Variants in RRM2 observed in about 807,000 individuals in gnomAD.
The protein encoded by RRM2 is ribonucleotide reductase regulatory subunit M2.
A neutral mutation model predicts 45.9 loss-of-function variants in RRM2; 6 were observed. That is an observed-to-expected ratio of 0.13 (90% CI 0.07 to 0.26). RRM2 has a LOEUF of 0.26. RRM2 is among the 10% of genes least tolerant of loss of function. RRM2 has a pLI of 1.00. For missense variants in RRM2, 343 were observed against 489.5 expected (o/e 0.70, Z 2.82); for synonymous variants, 177 against 173.0 (o/e 1.02, Z -0.18).
chr2:10,154,691 C>CTTTTTTTTTTTTTTTTTTTTTTTTT (rs70948874), intron 3 of RRM2, among the ~76,000 whole-genome samples: 1 of 95,752 alleles, frequency 1.0e-5, no homozygotes. Context: ...AGTCCTGATT[C>CTTTTTTTTTTTTTTTTTTTTTTTTT]TTTTTTTTTT....
chr2:10,178,754 A>G (rs1049906883), intron 3 of RRM2, among the ~76,000 whole-genome samples: 1 of 152,166 alleles, frequency 6.6e-6, no homozygotes, highest in Non-Finnish European at 1.5e-5. Flanking sequence ...CATATGTTGG[A>G]ATCTCACACC....
rs184921541 is a variant in RRM2 at position 10,169,208 on chromosome 2, C to T, written n.482+26833C>T. The stretch of plus-strand genomic sequence containing the variant: ...TGTTGCCCAGGCTAGTTTTGAACTC[C>T]CGGGCTCAATCCTCCTGCCTCAGCC... On this transcript the variant is annotated intron_variant and non_coding_transcript_variant, in intron 3 of 3. Transcript: ENST00000381786. The surrounding 1 kb of genome is among the most constrained non-coding windows in gnomAD (Gnocchi z 5.1). Among the ~76,000 whole-genome samples the T allele has an allele frequency of 2.5e-4, 38 of 150,982 alleles. No homozygotes were observed. Among genetic ancestry groups the T allele is most frequent in the Admixed American group, 1.3e-3 (19 of 15,120 alleles).
downstream of RRM2, among the ~76,000 whole-genome samples, chr2:10,132,292 G>A (rs967450943): frequency 5.3e-5 from 8 of 152,230 alleles, no homozygotes; most frequent in African/African-American, 1.9e-4. Context: ...TCCCTCTGGA[G>A]CTTGGGTTTA....
intron 3 of RRM2, among the ~76,000 whole-genome samples, chr2:10,175,794 C>T (rs1012649422): frequency 6.6e-5 from 10 of 151,712 alleles, no homozygotes; most frequent in Non-Finnish European, 1.0e-4. Context: ...TTAATAGAGA[C>T]AGGGTTTCAC....
intron 5 of RRM2, among the ~76,000 whole-genome samples, chr2:10,126,340 C>A (rs969333480): frequency 2.0e-5 from 3 of 152,046 alleles, no homozygotes; most frequent in African/African-American, 7.2e-5. Flanking sequence ...CTGTAGTACC[C>A]ATGGATTTGC....
chr2:10,190,700 G>T (rs944581303), intron 3 of RRM2, among the ~76,000 whole-genome samples: 2 of 116,678 alleles, frequency 1.7e-5, no homozygotes, highest in African/African-American at 6.7e-5. Flanking sequence ...TGATGGCAGA[G>T]ATGGTTACAA....
intron 3 of RRM2, among the ~76,000 whole-genome samples, chr2:10,165,938 G>A (rs1448130711): frequency 6.6e-6 from 1 of 152,214 alleles, no homozygotes; most frequent in Non-Finnish European, 1.5e-5. Context: ...AGGAAGCCTG[G>A]ACTGGGTGCC....
At position 10,171,045 on chromosome 2, in the gene RRM2, G is replaced by T. The variant is rs1488989173; in HGVS notation, n.482+28670G>T. 1.3e-5 allele frequency among the ~76,000 whole-genome samples: 2 copies of T among 152,322 alleles called. No individual in the cohort carries two copies. Among genetic ancestry groups the T allele is most frequent in the South Asian group, 2.1e-4 (1 of 4,824 alleles). On this transcript the variant is annotated intron_variant and non_coding_transcript_variant, in intron 3 of 3. Transcript: ENST00000381786. This position sits in a 1 kb window ranked among gnomAD's most constrained non-coding sequence, Gnocchi z 4.1. Reference sequence around the variant, plus strand: ...TCAGGGGAAACGTGGGCATCTAGATGACCCTCCACACTGAGCAGACCCAGC... The same window carrying T: ...TCAGGGGAAACGTGGGCATCTAGATTACCCTCCACACTGAGCAGACCCAGC...
Position 10,127,739 on chromosome 2 carries a change from C to T in RRM2, c.798+519C>T, listed in dbSNP as rs1426578003. 6.6e-6 allele frequency among the ~76,000 whole-genome samples: 1 copy of T among 152,030 alleles called. No individual in the cohort carries two copies. The highest frequency in any genetic ancestry group is 2.4e-5 in the African/African-American group (1 of 41,406). ...TCAGGTGATCCACCCGCCTCGGCCT[C>T]CCAGAGTGCTGGGATTATAGGCATG... On this transcript the variant is annotated intron_variant, in intron 7 of 9. Coordinates refer to ENST00000304567, the MANE Select transcript of RRM2 (RefSeq NM_001034.4). This position sits in a 1 kb window ranked among gnomAD's most constrained non-coding sequence, Gnocchi z 4.1.
intron 3 of RRM2, among the ~76,000 whole-genome samples, chr2:10,177,019 G>A (rs1255727249): frequency 6.6e-6 from 1 of 152,188 alleles, no homozygotes; most frequent in African/African-American, 2.4e-5. Flanking sequence ...GCCGAGGCGG[G>A]TGGATCACCT....
chr2:10,146,687 T>A (rs1183316211), intron 3 of RRM2, among the ~76,000 whole-genome samples: 1 of 152,104 alleles, frequency 6.6e-6, no homozygotes, highest in East Asian at 1.9e-4. Context: ...TGGGGATGGA[T>A]CAGGCCTTGA....
rs371939133 is a variant in RRM2, at chr2:10,175,691, C to T, written n.482+33316C>T. Among the ~76,000 whole-genome samples the T allele has an allele frequency of 1.3e-3, 203 of 152,158 alleles. 2 individuals are homozygous for T. The highest frequency in any genetic ancestry group is 3.3e-3 in the African/African-American group (138 of 41,508). On this transcript the variant is annotated intron_variant and non_coding_transcript_variant, in intron 3 of 3. Coordinates refer to the RRM2 transcript ENST00000381786. ...CGGCTTACGGCAACCTCCGCCTCCC[C>T]GGTTCAAGTGATTCTCCCCATCAGC... is the stretch of plus-strand genomic sequence containing the variant.
upstream of RRM2, among the ~76,000 whole-genome samples, chr2:10,140,511 A>G (rs1282594004): frequency 6.6e-6 from 1 of 152,162 alleles, no homozygotes; most frequent in African/African-American, 2.4e-5. Context: ...ACCTGATGGG[A>G]AAGTAGTGGA....
rs1273145083 is a variant in RRM2, at chr2:10,169,338, A to G, written n.482+26963A>G. On this transcript the variant is annotated intron_variant and non_coding_transcript_variant, in intron 3 of 3. Coordinates refer to the RRM2 transcript ENST00000381786. This position sits in a 1 kb window ranked among gnomAD's most constrained non-coding sequence, Gnocchi z 5.1. ...CTTCAGGTGTAGTTTTAGACGTGCA[A>G]CATGAGGGGAAATCTTAGGTTAATT... Among the ~76,000 whole-genome samples, 1 of 152,110 alleles carries G rather than the reference A, an allele frequency of 6.6e-6. No individual in the cohort carries two copies. The highest frequency in any genetic ancestry group is 1.5e-5 in the Non-Finnish European group (1 of 68,010).
intron 3 of RRM2, among the ~76,000 whole-genome samples, chr2:10,160,898 A>AC (rs935710528): frequency 1.3e-5 from 2 of 151,574 alleles, no homozygotes; most frequent in African/African-American, 4.9e-5. Flanking sequence ...CAGTGCTCCC[A>AC]CCAGGCTTTC....
chr2:10,161,682 A>T (rs1354471509), intron 3 of RRM2, among the ~76,000 whole-genome samples: 1 of 91,324 alleles, frequency 1.1e-5, no homozygotes, highest in Non-Finnish European at 2.2e-5. Flanking sequence ...ACACACATTC[A>T]CACACACACA....
Position 10,123,417 on chromosome 2 carries a change from G to A in RRM2, c.205G>A (p.Asp69Asn), listed in dbSNP as rs1300869694. 7 of 1,613,904 alleles carry A rather than the reference G, an allele frequency of 4.3e-6. No homozygotes were observed. Among genetic ancestry groups the A allele is most frequent in the Non-Finnish European group, 5.9e-6 (7 of 1,179,996 alleles). The change falls in exon 3 of 10, where the codon GAT becomes AAT. Residue 69 changes from aspartate (D) to asparagine (N), a missense_variant. By Grantham distance (23) the Asp-to-Asn change is conservative (BLOSUM62 1). This residue lies in a region of RRM2 where 131 missense variants were observed against 121.4 expected (regional missense o/e 1.08). Transcript: ENST00000304567. The stretch of plus-strand genomic sequence containing the variant: ...TAAAGCAGCTGCCCCCGGCGTGGAG[G>A]ATGAGCCGCTGCTGAGAGAAAACCC... ...KTKAAAPGVE[D>N]EPLLRENPRR...
chr2:10,166,890 G>T (rs542697851), intron 3 of RRM2, among the ~76,000 whole-genome samples: 5 of 152,240 alleles, frequency 3.3e-5, no homozygotes, highest in Non-Finnish European at 7.3e-5. Context: ...CCCTGGCGGG[G>T]TTGGGAGCGT....
At chr2:10,196,716 G>A (rs1245919053) in intron 3 of RRM2, among the ~76,000 whole-genome samples, 2 of 152,368 alleles carry the variant, frequency 1.3e-5, no homozygotes, top group Non-Finnish European at 1.5e-5. Flanking sequence ...CGCACAGGGC[G>A]ATGGGGCTGG....
Sources: gnomAD v4.1 joint callset for allele counts (sites outside exome capture counted in the v4.1 genomes callset) on GRCh38, gnomAD v4.1.1 for gene constraint, gnomAD v4.1.1 regional missense constraint, Gnocchi (gnomAD v3.1) non-coding constraint, MANE v1.5 for transcripts, NCBI Gene and HGNC (gene_info 2026-07-23, HGNC 2026-07-21) for gene names.